Variants in TRAPPC3 observed in about 807,000 individuals in gnomAD.
TRAPPC3 encodes trafficking protein particle complex 3.
TRAPPC3 carries 5 observed loss-of-function variants against 18.2 expected under a neutral mutation model. That is an observed-to-expected ratio of 0.28 (90% CI 0.14 to 0.58). The LOEUF is 0.58. TRAPPC3 is among the 20% of genes least tolerant of loss of function. TRAPPC3 has a pLI of 0.91. For missense variants in TRAPPC3, 176 were observed against 225.9 expected, an observed-to-expected ratio of 0.78 and a Z score of 1.41; for synonymous variants, 65 against 84.2, an observed-to-expected ratio of 0.77 and a Z score of 1.25.
Position 36,149,270 on chromosome 1 carries a change from G to A in TRAPPC3, c.42+67C>T, listed in dbSNP as rs111717657. ...CTTTTCCAAACGCACCTCGCGCTCG[G>A]CGCCGGGCCCCTTCCCTGTACGCCT... is the stretch of plus-strand genomic sequence containing the variant. On this transcript the variant is annotated intron_variant, in intron 1 of 4. Coordinates refer to ENST00000373166, the MANE Select transcript of TRAPPC3 (RefSeq NM_014408.5). 4,475 of 1,607,446 alleles carry A rather than the reference G, an allele frequency of 2.8e-3. 5 individuals are homozygous for A. Among genetic ancestry groups the A allele is most frequent in the Non-Finnish European group, 3.5e-3 (4,144 of 1,177,134 alleles).
At chr1:36,150,344 G>A (rs750195071), upstream of TRAPPC3, among the ~76,000 whole-genome samples, 1 of 152,230 alleles carries the variant, frequency 6.6e-6, no homozygotes. Context: ...CCAGAAACAC[G>A]AAGGGAATGT....
chr1:36,149,236 A>G lies in TRAPPC3; in HGVS notation c.42+101T>C. ...GAGGCTTCCCCTTGCCAGAGCTCAC[A>G]GGAAGGCCCTTTTCCAAACGCACCT... On this transcript the variant is annotated intron_variant, in intron 1 of 4. Transcript: ENST00000373166. The G allele has an allele frequency of 1.9e-6, 3 of 1,565,628 alleles. No homozygotes were observed. In the South Asian group the frequency reaches 3.5e-5, roughly 18 times the overall value.
chr1:36,146,879 T>G (rs1186926137), intron 1 of TRAPPC3, among the ~76,000 whole-genome samples: 3 of 152,178 alleles, frequency 2.0e-5, no homozygotes, highest in Non-Finnish European at 4.4e-5. Context: ...CTGCATATAG[T>G]TGGGGCTAAA....
Position 36,137,888 on chromosome 1 carries a change from G to A in TRAPPC3, c.331C>T (p.Pro111Ser). ...GGAAGTTCCACAAAGTCCACCAAGG[G>A]GTTATTTTCCAAAATGAGGGAGAAT... ...DEFSLILENN[P>S]LVDFVELPDN... is the part of the protein sequence containing the mutation. Residue 111 changes from proline to serine, a missense_variant, in exon 4 of 5, where the codon CCC (proline) becomes TCC (serine). Pro to Ser is a moderately conservative substitution (Grantham distance 74). Transcript: ENST00000373166. 6.2e-7 allele frequency: 1 copy of A among 1,614,134 alleles called. No individual in the cohort carries two copies.
intron 3 of TRAPPC3, chr1:36,139,490 A>T: frequency 1.8e-6 from 1 of 552,936 alleles, no homozygotes; most frequent in Non-Finnish European, 3.2e-6. Flanking sequence ...CTACTCTGCT[A>T]CACCTTCACA....
intron 4 of TRAPPC3, 191 bp from the exon 5 acceptor site, chr1:36,137,513 C>T (rs1415247903): frequency 1.6e-6 from 1 of 643,564 alleles, no homozygotes; most frequent in Non-Finnish European, 2.6e-6. Flanking sequence ...AGAAACTTAG[C>T]AAAGAATACC....
At chr1:36,150,472 T>C (rs1258365211), upstream of TRAPPC3, among the ~76,000 whole-genome samples, 11 of 151,710 alleles carry the variant, frequency 7.3e-5, no homozygotes, top group Admixed American at 7.2e-4. Flanking sequence ...GGCTGGGGGG[T>C]CCCTGAGCAC....
At chr1:36,144,217 G>A (rs1352962554) in intron 1 of TRAPPC3, among the ~76,000 whole-genome samples, 1 of 149,400 alleles carries the variant, frequency 6.7e-6, no homozygotes, top group East Asian at 2.0e-4. Context: ...GAACCCAGGA[G>A]GCGGAGGTTG....
upstream of TRAPPC3, chr1:36,149,545 C>G: frequency 1.3e-6 from 1 of 794,266 alleles, no homozygotes; most frequent in Admixed American, 2.4e-5. Flanking sequence ...GTCCGGCCGA[C>G]GTGGGCAACT....
chr1:36,139,475 C>T (rs112203926), intron 3 of TRAPPC3: 8 of 489,560 alleles, frequency 1.6e-5, no homozygotes, highest in African/African-American at 1.4e-4. Flanking sequence ...TTCTTTACCC[C>T]CATGCTACTC....
chr1:36,148,988 A>T (rs1405461599), intron 1 of TRAPPC3: 9 of 997,998 alleles, frequency 9.0e-6, no homozygotes, highest in African/African-American at 1.7e-5. Context: ...TATCCATCTG[A>T]TAGGGGCTAC....
intron 1 of TRAPPC3, 148 bp downstream of exon 1, chr1:36,149,189 C>T (rs1266118062): frequency 6.7e-7 from 1 of 1,489,470 alleles, no homozygotes; most frequent in Non-Finnish European, 8.9e-7. Context: ...CTGCCTGGAA[C>T]GCCCCCGGAG....
At chr1:36,149,033 G>A in intron 1 of TRAPPC3, 1 of 1,290,300 alleles carries the variant, frequency 7.8e-7, no homozygotes, top group Non-Finnish European at 9.9e-7. Context: ...AACGTGCGTG[G>A]CCCGGTGCCC....
At chr1:36,140,200 C>A in intron 1 of TRAPPC3, 34 bp from the exon 2 acceptor site, 1 of 1,432,040 alleles carries the variant, frequency 7.0e-7, no homozygotes, top group South Asian at 1.4e-5. Context: ...CAGGACCAAG[C>A]AGCACAAAAG....
chr1:36,145,170 C>T (rs1020804968), intron 1 of TRAPPC3, among the ~76,000 whole-genome samples: 10 of 151,970 alleles, frequency 6.6e-5, no homozygotes, highest in African/African-American at 2.2e-4. Flanking sequence ...TACAGGCGCC[C>T]GCCACCACAC....
intron 4 of TRAPPC3, 60 bp from the exon 5 acceptor site, chr1:36,137,382 T>G: frequency 6.4e-7 from 1 of 1,568,036 alleles, no homozygotes. Context: ...AGGGAACCAG[T>G]GGGGATGGGG....
chr1:36,145,095 C>G (rs150223601), intron 1 of TRAPPC3, among the ~76,000 whole-genome samples: 1,870 of 152,064 alleles, frequency 0.012, 39 homozygotes, highest in African/African-American at 0.043. Flanking sequence ...AATCTTGGCT[C>G]ACTGCAAGCT....
upstream of TRAPPC3, among the ~76,000 whole-genome samples, chr1:36,149,740 A>G (rs1351587548): frequency 6.6e-6 from 1 of 152,006 alleles, no homozygotes; most frequent in African/African-American, 2.4e-5. Flanking sequence ...GGTCACACAC[A>G]CGCTTCCTCC....
chr1:36,152,990 C>T (rs1379851333), upstream of TRAPPC3, among the ~76,000 whole-genome samples: 1 of 152,148 alleles, frequency 6.6e-6, no homozygotes, highest in African/African-American at 2.4e-5. Context: ...TGTGGGCTTC[C>T]CCCAGCCCCA....
Sources: gnomAD v4.1 joint callset for allele counts (sites outside exome capture counted in the v4.1 genomes callset) on GRCh38, gnomAD v4.1.1 for gene constraint, MANE v1.5 for transcripts, NCBI Gene and HGNC (gene_info 2026-07-23, HGNC 2026-07-21) for gene names.